Variants in PRDM5 observed in about 807,000 individuals in gnomAD.
The protein encoded by PRDM5 is PR domain zinc finger protein 5.
PRDM5 carries 56 observed loss-of-function variants against 81.2 expected under a neutral mutation model. The observed-to-expected ratio is 0.69, with a 90% CI of 0.56 to 0.86. The LOEUF is 0.86. Among genes scored for constraint, PRDM5 ranks in the 40% least tolerant of loss-of-function variants. The probability of loss-of-function intolerance (pLI) is 0.00; values close to 1 mark genes in which losing one functional copy is unlikely to be tolerated. For missense variants in PRDM5, 697 were observed against 770.1 expected, an observed-to-expected ratio of 0.91 and a Z score of 1.12; for synonymous variants, 267 against 256.4, an observed-to-expected ratio of 1.04 and a Z score of -0.39.
intron 3 of PRDM5, among the ~76,000 whole-genome samples, chr4:120,850,542 T>G (rs560682254): frequency 6.6e-6 from 1 of 152,204 alleles, no homozygotes; most frequent in South Asian, 2.1e-4. Context: ...TGACAAAAAA[T>G]ATGGTAGCAG....
chr4:120,757,698 T>C (rs1315769136), intron 13 of PRDM5, among the ~76,000 whole-genome samples: 2 of 151,770 alleles, frequency 1.3e-5, no homozygotes, highest in African/African-American at 2.4e-5. Context: ...TTCCCTCTCT[T>C]TCTCTCCTCC....
chr4:120,737,245 G>A (rs762842798), intron 14 of PRDM5, among the ~76,000 whole-genome samples: 6 of 152,296 alleles, frequency 3.9e-5, no homozygotes, highest in Admixed American at 3.3e-4. Flanking sequence ...AGGGAAGGCC[G>A]GGCCCAGTGT....
intron 2 of PRDM5, among the ~76,000 whole-genome samples, chr4:120,889,135 A>C (rs1468104291): frequency 6.6e-6 from 1 of 152,122 alleles, no homozygotes; most frequent in Admixed American, 6.6e-5. Flanking sequence ...TATTTAAGAA[A>C]CCTGTCTTTA....
intron 2 of PRDM5, among the ~76,000 whole-genome samples, chr4:120,887,084 T>C (rs1763522288): frequency 1.3e-5 from 2 of 152,120 alleles, no homozygotes; most frequent in Admixed American, 1.3e-4. Flanking sequence ...TAGCTGGGAC[T>C]ACAGGCGCCC....
intron 2 of PRDM5, among the ~76,000 whole-genome samples, chr4:120,856,348 T>A (rs189055788): frequency 3.9e-5 from 6 of 152,358 alleles, no homozygotes; most frequent in Non-Finnish European, 7.3e-5. Flanking sequence ...CATATTCATA[T>A]TTGAAATAAC....
intron 2 of PRDM5, among the ~76,000 whole-genome samples, chr4:120,878,441 A>C (rs1762532665): frequency 6.6e-6 from 1 of 152,188 alleles, no homozygotes; most frequent in Admixed American, 6.5e-5. Context: ...CTAAATGTAA[A>C]ATTTTCTAAA....
chr4:120,803,877 C>T (rs947763360), intron 8 of PRDM5, among the ~76,000 whole-genome samples: 4 of 152,272 alleles, frequency 2.6e-5, no homozygotes, highest in African/African-American at 7.2e-5. Context: ...TGTAAATGGG[C>T]TAAATGCTCC....
chr4:120,870,013 G>C (rs1055532418), intron 2 of PRDM5, among the ~76,000 whole-genome samples: 21 of 151,058 alleles, frequency 1.4e-4, no homozygotes, highest in African/African-American at 4.7e-4. Context: ...GTAGAGGAGA[G>C]AGGAAGGAGG....
At chr4:120,744,524 A>G (rs1029196043) in intron 14 of PRDM5, among the ~76,000 whole-genome samples, 2 of 152,104 alleles carry the variant, frequency 1.3e-5, no homozygotes, top group African/African-American at 4.8e-5. Flanking sequence ...CAAAATTGAT[A>G]GACCGCTAGC....
At chr4:120,828,847 C>T (rs1165935421) in intron 3 of PRDM5, among the ~76,000 whole-genome samples, 1 of 152,004 alleles carries the variant, frequency 6.6e-6, no homozygotes, top group African/African-American at 2.4e-5. Flanking sequence ...TATCTTCTGG[C>T]TTTGGCTTGG....
At chr4:120,811,517 C>A in intron 7 of PRDM5, 68 bp from the exon 8 acceptor site, 1 of 966,218 alleles carries the variant, frequency 1.0e-6, no homozygotes, top group Non-Finnish European at 1.6e-6. Context: ...AATAGTGTTT[C>A]GAGGTGATAT....
downstream of PRDM5, among the ~76,000 whole-genome samples, chr4:120,687,057 T>G (rs1201716194): frequency 6.6e-6 from 1 of 152,148 alleles, no homozygotes; most frequent in Non-Finnish European, 1.5e-5. Flanking sequence ...AAGGATGTTT[T>G]AATTCTTAAA....
intron 13 of PRDM5, among the ~76,000 whole-genome samples, chr4:120,775,781 G>A (rs1465586064): frequency 6.6e-6 from 1 of 152,138 alleles, no homozygotes; most frequent in East Asian, 1.9e-4. Context: ...TGATATCAGA[G>A]TGAAGGGCTG....
intron 2 of PRDM5, among the ~76,000 whole-genome samples, chr4:120,899,576 A>G (rs1254445931): frequency 6.6e-6 from 1 of 152,128 alleles, no homozygotes; most frequent in African/African-American, 2.4e-5. Context: ...CTCCTACTTT[A>G]TTCTCACAAC....
At chr4:120,727,865 G>A (rs1465970343) in intron 14 of PRDM5, among the ~76,000 whole-genome samples, 5 of 151,752 alleles carry the variant, frequency 3.3e-5, no homozygotes, top group Non-Finnish European at 5.9e-5. Context: ...GAACCCGGGA[G>A]GTGGAGGTTG....
intron 14 of PRDM5, among the ~76,000 whole-genome samples, chr4:120,714,435 G>A (rs1737458236): frequency 6.6e-6 from 1 of 151,738 alleles, no homozygotes; most frequent in South Asian, 2.1e-4. Context: ...CTGTTTAATG[G>A]GACCCTAGGG....
Position 120,893,924 on chromosome 4 carries a change from T to C in PRDM5, c.177+13550A>G, listed in dbSNP as rs566580206. Among the ~76,000 whole-genome samples, 132 of 152,334 alleles carry C rather than the reference T, an allele frequency of 8.7e-4. 1 individual carries two copies. The highest frequency in any genetic ancestry group is 3.1e-3 in the African/African-American group (127 of 41,586). The stretch of plus-strand genomic sequence containing the variant: ...TCAGGCTTTCTGAGTCTTTAAGTTT[T>C]AAAATTGTCTCTAAAGAGGCATCAG... On this transcript the variant is annotated intron_variant, in intron 2 of 15. Transcript: ENST00000264808.
chr4:120,911,006 T>C (rs1022387926), intron 1 of PRDM5, among the ~76,000 whole-genome samples: 1 of 152,204 alleles, frequency 6.6e-6, no homozygotes, highest in Non-Finnish European at 1.5e-5. Flanking sequence ...GACTTGTGAT[T>C]TCTTTGCAAG....
At chr4:120,786,118 C>G (rs1168604212) in intron 10 of PRDM5, among the ~76,000 whole-genome samples, 1 of 151,744 alleles carries the variant, frequency 6.6e-6, no homozygotes, top group Non-Finnish European at 1.5e-5. Flanking sequence ...ATACATGTGA[C>G]AAAAACAAAA....
Sources: allele counts gnomAD v4.1 joint callset (sites outside exome capture counted in the v4.1 genomes callset), GRCh38; gene constraint gnomAD v4.1.1; transcripts MANE v1.5; gene names NCBI Gene and HGNC (gene_info 2026-07-23, HGNC 2026-07-21).